PDK2: variants seen among roughly 807,000 people sequenced by gnomAD.
The protein encoded by PDK2 is pyruvate dehydrogenase kinase 2.
In PDK2, 34 loss-of-function variants were observed where a neutral mutation model predicts 50.4. The ratio of observed to expected loss-of-function variants is 0.68; its 90% CI spans 0.51 to 0.90. The LOEUF (loss-of-function observed/expected upper bound fraction) is 0.90. PDK2 is among the 40% of genes least tolerant of loss of function. PDK2 has a pLI of 0.00. For missense variants in PDK2, 377 were observed against 544.5 expected, an observed-to-expected ratio of 0.69 and a Z score of 3.06; for synonymous variants, 232 against 216.0, an observed-to-expected ratio of 1.07 and a Z score of -0.65.
intron 6 of PDK2, chr17:50,107,904 T>C: frequency 1.9e-6 from 1 of 538,946 alleles, no homozygotes; most frequent in Non-Finnish European, 3.4e-6. Context: ...AGGTCAGGGC[T>C]GGCTCCCCAC....
chr17:50,107,505 C>A (rs1194906425), intron 6 of PDK2, among the ~76,000 whole-genome samples: 1 of 152,144 alleles, frequency 6.6e-6, no homozygotes, highest in African/African-American at 2.4e-5. Context: ...CACTTGAACC[C>A]GGGAGGCTGA....
In PDK2 at chr17:50,108,251, G is replaced by A. The variant is rs373986255; in HGVS notation, c.762+19G>A. 5.4e-5 allele frequency: 87 copies of A among 1,601,642 alleles called. 1 individual carries two copies. In the African/African-American group the frequency reaches 7.9e-4, roughly 15 times the overall value. On this transcript the variant is annotated intron_variant, in intron 7 of 10. Coordinates refer to ENST00000503176, the MANE Select transcript of PDK2 (RefSeq NM_002611.5). ...CTTCAAGGTGAGGAGGCTGGGAGCC[G>A]GTGCTTTGCGGGGAGCGTGAGTAGG... is the stretch of plus-strand genomic sequence containing the variant.
In PDK2 at chr17:50,110,041, G is replaced by A. The variant is rs781574883; in HGVS notation, c.1168G>A (p.Asp390Asn). The A allele has an allele frequency of 5.0e-6, 8 of 1,610,924 alleles. No individual in the cohort carries two copies. Among genetic ancestry groups the A allele is most frequent in the Non-Finnish European group, 6.8e-6 (8 of 1,178,894 alleles). Residue 390 changes from aspartate (D) to asparagine (N), a missense_variant, in exon 11 of 11, where the codon GAC becomes AAC. By Grantham distance (23) the Asp-to-Asn change is conservative (BLOSUM62 1). Coordinates refer to ENST00000503176, the MANE Select transcript of PDK2 (RefSeq NM_002611.5). ...CTACCAGACCATCCAGGAGGCCGGC[G>A]ACTGGTGTGTGCCCAGCACGGAGCC... is the stretch of plus-strand genomic sequence containing the variant. ...RHYQTIQEAG[D>N]WCVPSTEPKN...
intron 2 of PDK2, among the ~76,000 whole-genome samples, chr17:50,104,767 C>A (rs1910418209): frequency 6.6e-6 from 1 of 152,206 alleles, no homozygotes. Flanking sequence ...ACCTTTGGGT[C>A]CTTCCCACCT....
In PDK2 at chr17:50,109,881, A is replaced by G; in HGVS notation, c.1084-76A>G. 7.2e-7 allele frequency: 1 copy of G among 1,389,080 alleles called. No homozygotes were observed. The highest frequency in any genetic ancestry group is 9.5e-7 in the Non-Finnish European group (1 of 1,055,932). The allele number at this position is 1,389,080 out of a possible 1,614,324, so 86.0% of individuals were successfully genotyped here. ...GTGTCTGGCAGCTGGGCTGCCGCTG[A>G]GCTGGGGTGGGGTGGTCTGCTGAGG... On this transcript the variant is annotated intron_variant, in intron 10 of 10. Transcript: ENST00000503176. The surrounding 1 kb of genome is among the most constrained non-coding windows in gnomAD (Gnocchi z 5.0).
rs1031027383 is a variant in PDK2, at chr17:50,101,612, G to A, written c.261-3759G>A. 1.3e-5 allele frequency among the ~76,000 whole-genome samples: 2 copies of A among 152,072 alleles called. No homozygotes were observed. On this transcript the variant is annotated intron_variant, in intron 2 of 10. Transcript: ENST00000503176. The surrounding 1 kb of genome is among the most constrained non-coding windows in gnomAD (Gnocchi z 4.2). Reference sequence around the variant, plus strand: ...ACCCACAGGCATGCACATGCCACATGCACACAATTACACACACTCCCCCGC... The same window carrying A: ...ACCCACAGGCATGCACATGCCACATACACACAATTACACACACTCCCCCGC...
intron 2 of PDK2, 71 bp downstream of exon 2, chr17:50,097,635 T>G: frequency 1.3e-6 from 2 of 1,572,328 alleles, no homozygotes; most frequent in Non-Finnish European, 1.7e-6. Flanking sequence ...GGATGGCATC[T>G]CCAAGCTTTT....
In PDK2 at chr17:50,109,578, G is replaced by A. The variant is rs9899056; in HGVS notation, c.1083+178G>A. ...TGAAGAACCCTCAACCCCCAGACAC[G>A]CACTGCTTGTCAGGGAATTTAGGGG... On this transcript the variant is annotated intron_variant, in intron 10 of 10. Transcript: ENST00000503176. The surrounding 1 kb of genome is among the most constrained non-coding windows in gnomAD (Gnocchi z 5.0). 0.38 allele frequency among the ~76,000 whole-genome samples: 58,364 copies of A among 151,996 alleles called. 11,423 individuals carry two copies. The highest frequency in any genetic ancestry group is 0.56 in the East Asian group (2,878 of 5,156).
rs1304466705 is a variant in PDK2, at chr17:50,105,988, G to A, written c.436G>A (p.Val146Ile). ...CAAGGACACCTACGGCGATGACCCC[G>A]TCTCCAACCAGAACATCCAGTACTT... ...EYKDTYGDDP[V>I]SNQNIQYFLD... The change falls in exon 4 of 11, where the codon GTC becomes ATC. Residue 146 changes from valine (V) to isoleucine (I), a missense_variant. Val to Ile is a conservative substitution (Grantham distance 29). Around this residue, in one of 3 missense-constraint regions of PDK2, gnomAD observed 63 missense variants for 135.1 expected, o/e 0.47. Transcript: ENST00000503176. 13 of 1,611,378 alleles carry A rather than the reference G, an allele frequency of 8.1e-6. No homozygotes were observed. The highest frequency in any genetic ancestry group is 4.5e-5 in the East Asian group (2 of 44,834).
At chr17:50,095,228 C>G (rs1350510304), upstream of PDK2, 3 of 507,434 alleles carry the variant, frequency 5.9e-6, no homozygotes, top group African/African-American at 2.0e-5. Flanking sequence ...AAGCCACGTG[C>G]CGGGGCGGAA....
chr17:50,098,567 C>T (rs1183625303), intron 2 of PDK2: 1 of 152,176 alleles, frequency 6.6e-6, no homozygotes, highest in Non-Finnish European at 1.5e-5. Context: ...GTAACAGGTT[C>T]ACTTGACACT....
chr17:50,096,406 G>A (rs1567710552), intron 1 of PDK2: 1 of 629,954 alleles, frequency 1.6e-6, no homozygotes, highest in Non-Finnish European at 2.0e-6. Flanking sequence ...GTATTTCCAT[G>A]GTGCCAGCTG....
intron 9 of PDK2, 118 bp downstream of exon 9, chr17:50,108,837 T>G (rs573296240): frequency 1.5e-6 from 1 of 673,906 alleles, no homozygotes; most frequent in Non-Finnish European, 2.6e-6. Flanking sequence ...GTCACCTGTC[T>G]TGAATCTGGG....
intron 2 of PDK2, among the ~76,000 whole-genome samples, chr17:50,099,202 G>T (rs1376352501): frequency 6.6e-6 from 1 of 152,112 alleles, no homozygotes; most frequent in African/African-American, 2.4e-5. Flanking sequence ...CCCTCCTCCG[G>T]CTCTATCCGG....
At position 50,110,243 on chromosome 17, in the gene PDK2, T is replaced by A; in HGVS notation, c.*146T>A. On this transcript the variant is annotated 3_prime_UTR_variant, in exon 11 of 11. Transcript: ENST00000503176. ...GTCTCTATGGAAGTCACTGCGGTGA[T>A]AGGTCTGTGATGGTCCCTAAGTGCC... 2 of 885,064 alleles carry A rather than the reference T, an allele frequency of 2.3e-6. No individual in the cohort carries two copies. The highest frequency in any genetic ancestry group is 3.3e-6 in the Non-Finnish European group (2 of 604,698). The allele number at this position is 885,064 out of a possible 1,614,324, so 54.8% of individuals were successfully genotyped here. A position where few individuals can be genotyped will look rare whatever the true frequency, so the allele number is the denominator to read the frequency against.
intron 2 of PDK2, 128 bp downstream of exon 2, chr17:50,097,692 C>T: frequency 8.7e-7 from 1 of 1,147,022 alleles, no homozygotes; most frequent in South Asian, 1.5e-5. Flanking sequence ...CACCAAAGCC[C>T]CAAGCGCTTG....
Position 50,095,357 on chromosome 17 carries a change from C to A in PDK2, c.-79C>A. The A allele has an allele frequency of 9.5e-7, 1 of 1,050,548 alleles. No homozygotes were observed. The highest frequency in any genetic ancestry group is 1.4e-6 in the Non-Finnish European group (1 of 714,302). The allele number at this position is 1,050,548 out of a possible 1,614,324, so 65.1% of individuals were successfully genotyped here. On this transcript the variant is annotated 5_prime_UTR_variant, in exon 1 of 11. Coordinates refer to ENST00000503176, the MANE Select transcript of PDK2 (RefSeq NM_002611.5). ...AGGGCAAGGGTAGGGAGGAGGCGGCCGAACCGCGTCGCTGGGCCGAAAGGT... is the reference window on the plus strand; with the variant it reads ...AGGGCAAGGGTAGGGAGGAGGCGGCAGAACCGCGTCGCTGGGCCGAAAGGT...
At chr17:50,096,319 T>C in intron 1 of PDK2, 2 of 985,020 alleles carry the variant, frequency 2.0e-6, no homozygotes, top group Non-Finnish European at 2.4e-6. Flanking sequence ...AACCTGGGGG[T>C]GGCCCTGGGG....
At chr17:50,103,602 C>T (rs1372772212) in intron 2 of PDK2, among the ~76,000 whole-genome samples, 1 of 152,198 alleles carries the variant, frequency 6.6e-6, no homozygotes, top group Non-Finnish European at 1.5e-5. Flanking sequence ...AGAGAGGTTC[C>T]ATGACTTACC....
Sources: gnomAD v4.1 joint callset for allele counts (sites outside exome capture counted in the v4.1 genomes callset) on GRCh38, gnomAD v4.1.1 for gene constraint, gnomAD v4.1.1 regional missense constraint, Gnocchi (gnomAD v3.1) non-coding constraint, MANE v1.5 for transcripts, NCBI Gene and HGNC (gene_info 2026-07-23, HGNC 2026-07-21) for gene names.